Variants in CA10 observed in about 807,000 individuals in gnomAD.
The protein encoded by CA10 is carbonic anhydrase-related protein 10.
CA10 carries 14 observed loss-of-function variants against 44.2 expected under a neutral mutation model. The observed-to-expected ratio is 0.32, with a 90% CI of 0.21 to 0.50. The LOEUF (loss-of-function observed/expected upper bound fraction) is 0.50. CA10 is among the 20% of genes least tolerant of loss of function. The probability of loss-of-function intolerance (pLI) is 0.99; values close to 1 mark genes in which losing one functional copy is unlikely to be tolerated. For missense variants in CA10, 350 were observed against 409.7 expected (o/e 0.85, Z 1.26); for synonymous variants, 159 against 141.6 (o/e 1.12, Z -0.87).
At chr17:52,115,667 C>T (rs529296831) in intron 1 of CA10, among the ~76,000 whole-genome samples, 1 of 152,254 alleles carries the variant, frequency 6.6e-6, no homozygotes, top group East Asian at 1.9e-4. Flanking sequence ...TCCCCGCCCC[C>T]CTCCCCTCTC....
intron 3 of CA10, among the ~76,000 whole-genome samples, chr17:51,899,371 A>C (rs1163144460): frequency 6.6e-6 from 1 of 152,054 alleles, no homozygotes; most frequent in African/African-American, 2.4e-5. Flanking sequence ...GGTTTTATGT[A>C]ATCTTCTTAG....
chr17:52,081,209 G>A (rs533745921), intron 1 of CA10, among the ~76,000 whole-genome samples: 1 of 152,198 alleles, frequency 6.6e-6, no homozygotes, highest in Non-Finnish European at 1.5e-5. Flanking sequence ...GAACATATGA[G>A]ATTGTATGAC....
At chr17:52,108,699 CAAAAAAAAAAAAA>C (rs759411898) in intron 1 of CA10, among the ~76,000 whole-genome samples, 3 of 91,858 alleles carry the variant, frequency 3.3e-5, no homozygotes, top group South Asian at 3.4e-4. Context: ...GACTCCGTCT[CAAAAAAAAAAAAA>C]AAAAAAAAAA....
intron 1 of CA10, among the ~76,000 whole-genome samples, chr17:52,087,501 A>G (rs755299503): frequency 1.4e-4 from 21 of 152,322 alleles, no homozygotes; most frequent in Admixed American, 2.6e-4. Flanking sequence ...GTAAGATTAG[A>G]GAAATTAAAG....
intron 1 of CA10, among the ~76,000 whole-genome samples, chr17:52,095,638 G>T (rs1351215809): frequency 6.6e-6 from 1 of 152,142 alleles, no homozygotes; most frequent in Admixed American, 6.5e-5. Flanking sequence ...ACTCTGGTAA[G>T]ATTCCCTTTA....
Position 51,633,603 on chromosome 17 carries a change from A to G in CA10, c.837T>C (p.Phe279=), listed in dbSNP as rs760626819. 14 of 1,613,774 alleles carry G rather than the reference A, an allele frequency of 8.7e-6. No individual in the cohort carries two copies. The highest frequency in any genetic ancestry group is 1.2e-5 in the Non-Finnish European group (14 of 1,179,886). ...GCCTGAAGTTGTCACTCATGCTCAG[A>G]AAGATCTGAGATGGCTGGTTCTGGC... ...LLSQNQPSQI[F]LSMSDNFRPV... The change falls in exon 8 of 9, where the codon TTT becomes TTC. Residue 279 remains phenylalanine (F), a synonymous_variant. Transcript: ENST00000451037.
At chr17:51,842,605 T>C (rs764676888) in intron 3 of CA10, among the ~76,000 whole-genome samples, 1 of 152,196 alleles carries the variant, frequency 6.6e-6, no homozygotes, top group Non-Finnish European at 1.5e-5. Context: ...TGGAAACATA[T>C]CCTTGTAAAA....
intron 3 of CA10, among the ~76,000 whole-genome samples, chr17:51,856,310 G>A (rs1979040636): frequency 1.3e-5 from 2 of 151,922 alleles, no homozygotes; most frequent in South Asian, 4.2e-4. Context: ...GTTAATTCTG[G>A]TTATTTAAGG....
At chr17:51,690,927 G>A (rs1915173888) in intron 4 of CA10, among the ~76,000 whole-genome samples, 1 of 151,902 alleles carries the variant, frequency 6.6e-6, no homozygotes, top group African/African-American at 2.4e-5. Context: ...TTTTAAGGCT[G>A]AGTAGTATTC....
At chr17:51,861,159 C>G (rs560553076) in intron 3 of CA10, among the ~76,000 whole-genome samples, 5 of 152,266 alleles carry the variant, frequency 3.3e-5, no homozygotes, top group African/African-American at 1.2e-4. Context: ...CTAAAGGAGA[C>G]TGCGAGGCCA....
chr17:51,839,695 A>C (rs1392142680), intron 3 of CA10, among the ~76,000 whole-genome samples: 1 of 152,122 alleles, frequency 6.6e-6, no homozygotes, highest in Non-Finnish European at 1.5e-5. Context: ...AGCTTGGTAG[A>C]GAGATTGGCC....
At chr17:52,074,658 T>G (rs1268120145) in intron 1 of CA10, among the ~76,000 whole-genome samples, 1 of 152,164 alleles carries the variant, frequency 6.6e-6, no homozygotes, top group African/African-American at 2.4e-5. Flanking sequence ...ACAAAAAAAT[T>G]TTTACAGTGT....
intron 4 of CA10, among the ~76,000 whole-genome samples, chr17:51,712,196 G>T (rs1915961800): frequency 6.6e-6 from 1 of 152,212 alleles, no homozygotes; most frequent in African/African-American, 2.4e-5. Flanking sequence ...CACTGAATAT[G>T]ATGCAGCTTC....
At chr17:51,703,008 A>G (rs975216260) in intron 4 of CA10, among the ~76,000 whole-genome samples, 3 of 152,126 alleles carry the variant, frequency 2.0e-5, no homozygotes, top group Admixed American at 1.3e-4. Context: ...TTCTGTATGT[A>G]TCCTGCTGGG....
intron 3 of CA10, among the ~76,000 whole-genome samples, chr17:51,910,177 G>A (rs1163727372): frequency 6.6e-6 from 1 of 152,090 alleles, no homozygotes; most frequent in Non-Finnish European, 1.5e-5. Flanking sequence ...GAGGCTTAGA[G>A]AGGGGCATGG....
At chr17:51,688,802 T>C (rs1915092023) in intron 4 of CA10, among the ~76,000 whole-genome samples, 1 of 152,198 alleles carries the variant, frequency 6.6e-6, no homozygotes, top group Non-Finnish European at 1.5e-5. Context: ...CTGTATTCTT[T>C]TCTCTATTAT....
At chr17:51,942,703 T>G (rs1466086951) in intron 2 of CA10, among the ~76,000 whole-genome samples, 2 of 152,046 alleles carry the variant, frequency 1.3e-5, no homozygotes, top group Non-Finnish European at 2.9e-5. Flanking sequence ...AGTTCCCTTT[T>G]ACAAATGACA....
chr17:51,694,204 C>CG (rs958279223), intron 4 of CA10, among the ~76,000 whole-genome samples: 9 of 147,726 alleles, frequency 6.1e-5, no homozygotes, highest in Non-Finnish European at 1.0e-4. Flanking sequence ...AACTCCGTCT[C>CG]GGAAAAAAAA....
At chr17:51,894,446 A>G (rs923915127) in intron 3 of CA10, among the ~76,000 whole-genome samples, 1 of 152,140 alleles carries the variant, frequency 6.6e-6, no homozygotes, top group African/African-American at 2.4e-5. Flanking sequence ...ACTAAAGGAT[A>G]AAGTGTCATA....
Sources: gnomAD v4.1 joint callset for allele counts (sites outside exome capture counted in the v4.1 genomes callset) on GRCh38, gnomAD v4.1.1 for gene constraint, MANE v1.5 for transcripts, NCBI Gene and HGNC (gene_info 2026-07-23, HGNC 2026-07-21) for gene names.